KCNQ1: variants seen among roughly 807,000 people sequenced by gnomAD.
KCNQ1 encodes potassium voltage-gated channel subfamily Q member 1, also known as potassium voltage-gated channel subfamily KQT member 1.
Under a neutral mutation model 72.4 loss-of-function variants are expected in KCNQ1, and 49 were observed. The observed-to-expected ratio is 0.68, with a 90% CI of 0.54 to 0.86. The LOEUF (loss-of-function observed/expected upper bound fraction) is 0.86. Ranked by LOEUF, KCNQ1 falls within the 40% of genes least tolerant of loss-of-function variation. KCNQ1 has a pLI of 0.00. For missense variants in KCNQ1, 790 were observed against 945.1 expected (o/e 0.84, Z 2.15); for synonymous variants, 450 against 412.6 (o/e 1.09, Z -1.10).
intron 15 of KCNQ1, among the ~76,000 whole-genome samples, chr11:2,791,853 C>T (rs1847031983): frequency 6.6e-6 from 1 of 152,242 alleles, no homozygotes; most frequent in Non-Finnish European, 1.5e-5. Flanking sequence ...TGGGGGCTTC[C>T]GCCTCACTTT....
intron 15 of KCNQ1, chr11:2,840,364 T>C (rs888709782): frequency 2.0e-5 from 3 of 152,348 alleles, no homozygotes; most frequent in Admixed American, 6.5e-5. Flanking sequence ...TCAGGGTCGA[T>C]GATACACAAA....
At chr11:2,722,645 T>A (rs150509600) in intron 11 of KCNQ1, among the ~76,000 whole-genome samples, 32 of 152,154 alleles carry the variant, frequency 2.1e-4, no homozygotes, top group African/African-American at 7.5e-4. Context: ...GTAGCCAGGG[T>A]CGGCAGTGGC....
rs965010070 is a variant in KCNQ1 at position 2,450,674 on chromosome 11, T to C, written c.386+5190T>C. On this transcript the variant is annotated intron_variant, in intron 1 of 15. Transcript: ENST00000155840. The surrounding 1 kb of genome is among the most constrained non-coding windows in gnomAD (Gnocchi z 7.9). ...CCTTCCTGGTGGGTAGCTGTCTCTC[T>C]CCAGCAGCTCCTCCAACCACCATGA... 6.6e-6 allele frequency among the ~76,000 whole-genome samples: 1 copy of C among 152,074 alleles called. No individual in the cohort carries two copies. The highest frequency in any genetic ancestry group is 6.5e-5 in the Admixed American group (1 of 15,274).
rs145292450 is a variant in KCNQ1, at chr11:2,528,099, TGG to T, written c.477+86_477+87del. On this transcript the variant is annotated intron_variant, in intron 2 of 15. Coordinates refer to ENST00000155840, the MANE Select transcript of KCNQ1 (RefSeq NM_000218.3). ...CTCCCTGGCGCTGGGCCCCATAAGGTGGGGGGCAGAGCCACTCCCAGCCCCTT... is the reference window on the plus strand; with the variant it reads ...CTCCCTGGCGCTGGGCCCCATAAGGTGGGGCAGAGCCACTCCCAGCCCCTT... 0.64 allele frequency: 756,785 copies of T among 1,179,806 alleles called. 247,976 individuals are homozygous for T. Among genetic ancestry groups the T allele is most frequent in the East Asian group, 0.73 (31,097 of 42,842 alleles). The allele number at this position is 1,179,806 out of a possible 1,614,324, so 73.1% of individuals were successfully genotyped here.
intron 2 of KCNQ1, among the ~76,000 whole-genome samples, chr11:2,532,941 G>T: frequency 6.6e-6 from 1 of 152,308 alleles, no homozygotes; most frequent in East Asian, 1.9e-4. Flanking sequence ...CAGGCGGCGG[G>T]AAGGCCTGTA....
intron 11 of KCNQ1, among the ~76,000 whole-genome samples, chr11:2,730,999 T>C (rs926188797): frequency 6.6e-6 from 1 of 152,214 alleles, no homozygotes; most frequent in African/African-American, 2.4e-5. Flanking sequence ...GCTTTGCTCA[T>C]AGAAAAGGAA....
At position 2,563,904 on chromosome 11, in the gene KCNQ1, G is replaced by C. The variant is rs1027637469; in HGVS notation, c.478-6724G>C. On this transcript the variant is annotated intron_variant, in intron 2 of 15. Coordinates refer to ENST00000155840, the MANE Select transcript of KCNQ1 (RefSeq NM_000218.3). The surrounding 1 kb of genome is among the most constrained non-coding windows in gnomAD (Gnocchi z 7.4). ...TTGAATGCTGAACTAACAATAGTCA[G>C]TGAAGATTAAGAACTAAAGGCTCAA... Among the ~76,000 whole-genome samples the C allele has an allele frequency of 6.6e-6, 1 of 152,266 alleles. No individual in the cohort carries two copies. Among genetic ancestry groups the C allele is most frequent in the Non-Finnish European group, 1.5e-5 (1 of 68,046 alleles).
rs1249762895 is a variant in KCNQ1 at position 2,735,381 on chromosome 11, T to A, written c.1515-33463T>A. On this transcript the variant is annotated intron_variant, in intron 11 of 15. Coordinates refer to ENST00000155840, the MANE Select transcript of KCNQ1 (RefSeq NM_000218.3). This position sits in a 1 kb window ranked among gnomAD's most constrained non-coding sequence, Gnocchi z 7.7. ...GGGCCATGGCCGCCCCCACCTCCCC[T>A]CCCGCAAGCTTCTCCCCTTCCTTCA... Among the ~76,000 whole-genome samples, 1 of 140,022 alleles carries A rather than the reference T, an allele frequency of 7.1e-6. No homozygotes were observed. Among genetic ancestry groups the A allele is most frequent in the East Asian group, 2.1e-4 (1 of 4,700 alleles). 91.9% of individuals were successfully genotyped at this position (140,022 alleles called of 152,430 possible). A position where few individuals can be genotyped will look rare whatever the true frequency, so the allele number is the denominator to read the frequency against.
In KCNQ1 at chr11:2,626,308, T is replaced by C. The variant is rs1849261525; in HGVS notation, c.1394-35653T>C. 2.5e-6 allele frequency: 1 copy of C among 398,522 alleles called. No individual in the cohort carries two copies. Among genetic ancestry groups the C allele is most frequent in the Non-Finnish European group, 4.4e-6 (1 of 226,058 alleles). 24.7% of individuals were successfully genotyped at this position (398,522 alleles called of 1,614,324 possible). ...CTCAACTTCATTCTCTTGAGTTAATTTTTGTGTATGGTATTAGGTAAGGGT... is the reference window on the plus strand; with the variant it reads ...CTCAACTTCATTCTCTTGAGTTAATCTTTGTGTATGGTATTAGGTAAGGGT... On this transcript the variant is annotated intron_variant, in intron 10 of 15. Transcript: ENST00000155840. The surrounding 1 kb of genome is among the most constrained non-coding windows in gnomAD (Gnocchi z 4.0).
intron 2 of KCNQ1, among the ~76,000 whole-genome samples, chr11:2,560,040 G>T (rs1349032103): frequency 6.7e-6 from 1 of 149,724 alleles, no homozygotes; most frequent in Non-Finnish European, 1.5e-5. Context: ...AAACACGGGG[G>T]AGGGGGTACC....
intron 11 of KCNQ1, among the ~76,000 whole-genome samples, chr11:2,708,638 G>C (rs1290563590): frequency 6.6e-6 from 1 of 152,112 alleles, no homozygotes; most frequent in East Asian, 1.9e-4. Context: ...CTGGGTCTAA[G>C]CACCTCTGAG....
chr11:2,607,587 T>C (rs1413691418), intron 10 of KCNQ1, among the ~76,000 whole-genome samples: 2 of 152,168 alleles, frequency 1.3e-5, no homozygotes, highest in African/African-American at 4.8e-5. Flanking sequence ...CCTCTCCAGA[T>C]GCTGAATCTG....
chr11:2,674,671 T>C lies in KCNQ1; in HGVS notation c.1514+12590T>C, dbSNP rs1850259372. The C allele has an allele frequency of 2.5e-6, 1 of 398,522 alleles. No homozygotes were observed. The highest frequency in any genetic ancestry group is 6.3e-4 in the Middle Eastern group (1 of 1,588). The allele number at this position is 398,522 out of a possible 1,614,324, so 24.7% of individuals were successfully genotyped here. ...AGCCAGAACTTTTTGCAAAATAATT[T>C]GAAAAGTTTGTTGAACCTTAAACCT... On this transcript the variant is annotated intron_variant, in intron 11 of 15. Transcript: ENST00000155840. The surrounding 1 kb of genome is among the most constrained non-coding windows in gnomAD (Gnocchi z 5.9).
rs1438355779 is a variant in KCNQ1, at chr11:2,526,252, G to T, written c.387-1676G>T. Among the ~76,000 whole-genome samples, 1 of 151,994 alleles carries T rather than the reference G, an allele frequency of 6.6e-6. No individual in the cohort carries two copies. The highest frequency in any genetic ancestry group is 1.9e-4 in the East Asian group (1 of 5,154). ...GTGGGCTGGGGGCGCCGAGGGTGGA[G>T]GTGGGCACTGTGGTCAGGGGGAGAT... On this transcript the variant is annotated intron_variant, in intron 1 of 15. Coordinates refer to ENST00000155840, the MANE Select transcript of KCNQ1 (RefSeq NM_000218.3). The surrounding 1 kb of genome is among the most constrained non-coding windows in gnomAD (Gnocchi z 6.1).
Position 2,481,127 on chromosome 11 carries a change from C to A in KCNQ1, c.386+35643C>A, listed in dbSNP as rs562497539. On this transcript the variant is annotated intron_variant, in intron 1 of 15. Coordinates refer to ENST00000155840, the MANE Select transcript of KCNQ1 (RefSeq NM_000218.3). The surrounding 1 kb of genome is among the most constrained non-coding windows in gnomAD (Gnocchi z 4.6). ...TGGTCTCTTCTGCAGTGAACTGATGCGATGTGTGATGTCACTAGTTCTCAT... is the reference window on the plus strand; with the variant it reads ...TGGTCTCTTCTGCAGTGAACTGATGAGATGTGTGATGTCACTAGTTCTCAT... 2.0e-5 allele frequency among the ~76,000 whole-genome samples: 3 copies of A among 152,272 alleles called. No individual in the cohort carries two copies. Among genetic ancestry groups the A allele is most frequent in the African/African-American group, 7.2e-5 (3 of 41,556 alleles).
chr11:2,707,801 A>G (rs2133914110), intron 11 of KCNQ1, among the ~76,000 whole-genome samples: 1 of 152,360 alleles, frequency 6.6e-6, no homozygotes, highest in South Asian at 2.1e-4. Flanking sequence ...TCCTGGAGCC[A>G]GGGTCTATCC....
Position 2,445,200 on chromosome 11 carries a change from C to G in KCNQ1, c.102C>G (p.Cys34Trp). The G allele has an allele frequency of 8.7e-7, 1 of 1,147,208 alleles. No homozygotes were observed. The highest frequency in any genetic ancestry group is 1.1e-6 in the Non-Finnish European group (1 of 929,134). The allele number at this position is 1,147,208 out of a possible 1,614,324, so 71.1% of individuals were successfully genotyped here. The change falls in exon 1 of 16, where the codon TGC becomes TGG. Residue 34 changes from cysteine (C) to tryptophan (W), a missense_variant. Cys to Trp is a radical substitution (Grantham distance 215). This residue lies in a region of KCNQ1 where 294 missense variants were observed against 323.3 expected (regional missense o/e 0.91). Transcript: ENST00000155840. Reference sequence around the variant, plus strand: ...GCAGCGCGGGCCTGGCCAAGAAGTGCCCCTTCTCGCTGGAGCTGGCGGAGG... The same window carrying G: ...GCAGCGCGGGCCTGGCCAAGAAGTGGCCCTTCTCGCTGGAGCTGGCGGAGG... ...RRGSAGLAKK[C>W]PFSLELAEGG...
intron 10 of KCNQ1, among the ~76,000 whole-genome samples, chr11:2,590,174 C>T (rs550176165): frequency 5.3e-5 from 8 of 152,318 alleles, no homozygotes; most frequent in African/African-American, 1.9e-4. Flanking sequence ...GATAGCTGTG[C>T]TGCCACCAGG....
Position 2,766,762 on chromosome 11 carries a change from G to A in KCNQ1, c.1515-2082G>A, listed in dbSNP as rs1239223553. Among the ~76,000 whole-genome samples the A allele has an allele frequency of 6.6e-6, 1 of 152,102 alleles. No homozygotes were observed. On this transcript the variant is annotated intron_variant, in intron 11 of 15. Coordinates refer to ENST00000155840, the MANE Select transcript of KCNQ1 (RefSeq NM_000218.3). The surrounding 1 kb of genome is among the most constrained non-coding windows in gnomAD (Gnocchi z 4.4). ...CCTTCCAGCCTCTGTCCAATTCCTT[G>A]TCCCAAAATTAATGCTGTAAGTTTT... is the stretch of plus-strand genomic sequence containing the variant.
Sources: gnomAD v4.1 joint callset for allele counts (sites outside exome capture counted in the v4.1 genomes callset) on GRCh38, gnomAD v4.1.1 for gene constraint, gnomAD v4.1.1 regional missense constraint, Gnocchi (gnomAD v3.1) non-coding constraint, MANE v1.5 for transcripts, NCBI Gene and HGNC (gene_info 2026-07-23, HGNC 2026-07-21) for gene names.